The following PTPRD variants were observed in gnomAD, a reference collection of about 807,000 sequenced individuals.
PTPRD encodes receptor-type tyrosine-protein phosphatase delta.
PTPRD carries 34 observed loss-of-function variants against 214.5 expected under a neutral mutation model. The ratio of observed to expected loss-of-function variants is 0.16; its 90% CI spans 0.12 to 0.21. The LOEUF is 0.21. Among genes scored for constraint, PTPRD ranks in the 10% least tolerant of loss-of-function variants. PTPRD has a pLI of 1.00. For synonymous variants in PTPRD, 1,128 were observed against 845.7 expected (o/e 1.33, Z -5.79); for missense variants, 2,545 against 2,398.7 (o/e 1.06, Z -1.27).
chr9:10,175,958 C>A (rs1295020722), intron 3 of PTPRD, among the ~76,000 whole-genome samples: 1 of 151,870 alleles, frequency 6.6e-6, no homozygotes, highest in Non-Finnish European at 1.5e-5. Context: ...CTTTTGGCTG[C>A]AAAGTAGAGT....
intron 9 of PTPRD, among the ~76,000 whole-genome samples, chr9:9,208,941 G>A (rs1012495454): frequency 1.3e-5 from 2 of 151,946 alleles, no homozygotes; most frequent in Non-Finnish European, 2.9e-5. Flanking sequence ...CCGAGTAGCT[G>A]GAACCACAGG....
chr9:9,982,201 A>G (rs1379243240), intron 4 of PTPRD, among the ~76,000 whole-genome samples: 1 of 152,092 alleles, frequency 6.6e-6, no homozygotes, highest in East Asian at 1.9e-4. Flanking sequence ...TGGCTTCCTA[A>G]CCTTGACAAG....
At chr9:8,436,279 T>C (rs2095344899) in intron 35 of PTPRD, among the ~76,000 whole-genome samples, 1 of 152,194 alleles carries the variant, frequency 6.6e-6, no homozygotes, top group Non-Finnish European at 1.5e-5. Context: ...ATGGTGACTA[T>C]AATTAATAAT....
Position 8,486,034 on chromosome 9 carries a change from T to C in PTPRD, c.2783A>G (p.Glu928Gly), listed in dbSNP as rs2135941079. 6.2e-7 allele frequency: 1 copy of C among 1,614,158 alleles called. No homozygotes were observed. Among genetic ancestry groups the C allele is most frequent in the Middle Eastern group, 1.7e-4 (1 of 6,060 alleles). ...PTGFPQNLHS[E>G]GTTSTSVQLS... is the part of the protein sequence containing the mutation. ...CTGGACGGAGGTTGAAGTGGTGCCT[T>C]CTGAGTGAAGGTTTTGAGGGAATCC... Residue 928 changes from glutamate (E) to glycine (G), a missense_variant, in exon 28 of 46, where the codon GAA becomes GGA. By Grantham distance (98) the Glu-to-Gly change is moderately conservative. Coordinates refer to ENST00000381196, the MANE Select transcript of PTPRD (RefSeq NM_002839.4).
chr9:9,814,816 T>TTCG (rs1555151920), intron 5 of PTPRD, among the ~76,000 whole-genome samples: 1 of 122,818 alleles, frequency 8.1e-6, no homozygotes, highest in Non-Finnish European at 1.6e-5. Flanking sequence ...TTTTTTTTTT[T>TTCG]CGATACAGAA....
chr9:9,436,520 A>G (rs2085319398), intron 8 of PTPRD, among the ~76,000 whole-genome samples: 1 of 152,192 alleles, frequency 6.6e-6, no homozygotes, highest in Non-Finnish European at 1.5e-5. Flanking sequence ...GAGTTTACAG[A>G]TGCATCCTAA....
intron 7 of PTPRD, among the ~76,000 whole-genome samples, chr9:9,693,856 T>C (rs1444523934): frequency 6.6e-6 from 1 of 152,184 alleles, no homozygotes; most frequent in Non-Finnish European, 1.5e-5. Context: ...TTTTTATCAA[T>C]TGCTTGATCA....
At chr9:10,587,506 A>C (rs1352224734) in intron 2 of PTPRD, among the ~76,000 whole-genome samples, 1 of 152,078 alleles carries the variant, frequency 6.6e-6, no homozygotes, top group African/African-American at 2.4e-5. Context: ...TTGCAGGAGG[A>C]AAGAGGAGAA....
chr9:10,513,488 C>T (rs2048975330), intron 2 of PTPRD, among the ~76,000 whole-genome samples: 1 of 152,076 alleles, frequency 6.6e-6, no homozygotes, highest in South Asian at 2.1e-4. Context: ...CAAAGAAGAG[C>T]AATGGCAATT....
At chr9:10,213,705 T>C (rs796324516) in intron 3 of PTPRD, among the ~76,000 whole-genome samples, 6 of 152,242 alleles carry the variant, frequency 3.9e-5, no homozygotes, top group African/African-American at 1.4e-4. Context: ...TGTTACATTA[T>C]TTATTGAAGT....
chr9:9,141,597 T>C lies in PTPRD; in HGVS notation c.-143+41707A>G, dbSNP rs187631681. Among the ~76,000 whole-genome samples the C allele has an allele frequency of 2.3e-3, 344 of 151,704 alleles. 2 individuals carry two copies. The highest frequency in any genetic ancestry group is 7.9e-3 in the African/African-American group (327 of 41,474). Reference sequence around the variant, plus strand: ...CCACCCATGTTTCCTCTTTACATAATTGAGACCAAATCTCCGGGAACAGTG... The same window carrying C: ...CCACCCATGTTTCCTCTTTACATAACTGAGACCAAATCTCCGGGAACAGTG... On this transcript the variant is annotated intron_variant, in intron 10 of 45. Coordinates refer to ENST00000381196, the MANE Select transcript of PTPRD (RefSeq NM_002839.4).
intron 3 of PTPRD, among the ~76,000 whole-genome samples, chr9:10,167,127 T>C (rs1472366813): frequency 6.6e-6 from 1 of 151,904 alleles, no homozygotes; most frequent in Non-Finnish European, 1.5e-5. Context: ...AGACCTTTTT[T>C]TTTTTTCATA....
At chr9:10,507,188 C>T (rs2046293849) in intron 2 of PTPRD, among the ~76,000 whole-genome samples, 1 of 152,058 alleles carries the variant, frequency 6.6e-6, no homozygotes, top group South Asian at 2.1e-4. Flanking sequence ...GAGTGAACTC[C>T]CATTCACGAT....
At chr9:9,056,343 A>G (rs897989755) in intron 10 of PTPRD, among the ~76,000 whole-genome samples, 1 of 152,192 alleles carries the variant, frequency 6.6e-6, no homozygotes, top group African/African-American at 2.4e-5. Flanking sequence ...CAAATGAAGC[A>G]AAGAAGCCAT....
chr9:9,341,385 A>T (rs2046746120), intron 9 of PTPRD, among the ~76,000 whole-genome samples: 1 of 152,024 alleles, frequency 6.6e-6, no homozygotes, highest in South Asian at 2.1e-4. Flanking sequence ...TTATCCCCCC[A>T]GGGCGCAGGT....
chr9:9,735,126 G>C (rs906508359), intron 6 of PTPRD, among the ~76,000 whole-genome samples: 1 of 151,948 alleles, frequency 6.6e-6, no homozygotes, highest in Non-Finnish European at 1.5e-5. Context: ...ATTTTTTAAA[G>C]GTGTTTGAAG....
intron 7 of PTPRD, among the ~76,000 whole-genome samples, chr9:9,721,709 T>C (rs1040078561): frequency 1.3e-5 from 2 of 152,138 alleles, no homozygotes; most frequent in Admixed American, 1.3e-4. Flanking sequence ...ATTAAAGAGA[T>C]AGACCCTGAG....
chr9:8,676,909 G>A (rs889825553), intron 12 of PTPRD, among the ~76,000 whole-genome samples: 8 of 152,062 alleles, frequency 5.3e-5, no homozygotes, highest in African/African-American at 1.4e-4. Context: ...TTAAAAAAAC[G>A]GAGTGCTTGG....
chr9:10,094,094 G>C (rs1031273905), intron 3 of PTPRD, among the ~76,000 whole-genome samples: 2 of 151,080 alleles, frequency 1.3e-5, no homozygotes, highest in Non-Finnish European at 3.0e-5. Context: ...CAAAATCAAC[G>C]TTAAAAATAA....
Sources: allele counts gnomAD v4.1 joint callset (sites outside exome capture counted in the v4.1 genomes callset), GRCh38; gene constraint gnomAD v4.1.1; transcripts MANE v1.5; gene names NCBI Gene and HGNC (gene_info 2026-07-23, HGNC 2026-07-21).